The following ARHGAP15 variants were observed in gnomAD, a reference collection of about 807,000 sequenced individuals.
The protein encoded by ARHGAP15 is Rho GTPase activating protein 15.
A neutral mutation model predicts 63.7 loss-of-function variants in ARHGAP15; 51 were observed. The ratio of observed to expected loss-of-function variants is 0.80; its 90% CI spans 0.64 to 1.01. The LOEUF is 1.01. Ranked by LOEUF, ARHGAP15 falls within the 50% of genes least tolerant of loss-of-function variation. The probability of loss-of-function intolerance (pLI) is 0.00; values close to 1 mark genes in which losing one functional copy is unlikely to be tolerated. For synonymous variants in ARHGAP15, 191 were observed against 193.8 expected (o/e 0.99, Z 0.12); for missense variants, 560 against 564.6 (o/e 0.99, Z 0.08).
intron 6 of ARHGAP15, among the ~76,000 whole-genome samples, chr2:143,299,648 G>T (rs993666006): frequency 6.6e-6 from 1 of 151,690 alleles, no homozygotes; most frequent in African/African-American, 2.4e-5. Flanking sequence ...TCCTTTTCCT[G>T]TTTGGCTACA....
chr2:143,453,078 A>G lies in ARHGAP15; in HGVS notation c.703+16036A>G, dbSNP rs1455346043. Among the ~76,000 whole-genome samples, 3 of 124,756 alleles carry G rather than the reference A, an allele frequency of 2.4e-5. No individual in the cohort carries two copies. The East Asian group carries it at 6.6e-4, about 27-fold the overall frequency. The allele number at this position is 124,756 out of a possible 152,430, so 81.8% of individuals were successfully genotyped here. On this transcript the variant is annotated intron_variant, in intron 8 of 13. Transcript: ENST00000295095. ...TGTAGGCAGCATTCTAAGCACTTTA[A>G]TCTACTCTCATTGAATCCTGTCAAC...
At chr2:143,205,053 G>A (rs1692275632) in intron 3 of ARHGAP15, among the ~76,000 whole-genome samples, 2 of 151,704 alleles carry the variant, frequency 1.3e-5, no homozygotes. Flanking sequence ...CTTTAGGTTG[G>A]GAGTTCAAGA....
At chr2:143,754,859 G>A (rs538505832) in intron 13 of ARHGAP15, among the ~76,000 whole-genome samples, 4 of 152,266 alleles carry the variant, frequency 2.6e-5, no homozygotes, top group Non-Finnish European at 4.4e-5. Flanking sequence ...GAGGCCTTTG[G>A]CACTTAGGCT....
intron 6 of ARHGAP15, among the ~76,000 whole-genome samples, chr2:143,267,840 T>C (rs1473689322): frequency 2.0e-5 from 3 of 152,136 alleles, no homozygotes; most frequent in Non-Finnish European, 4.4e-5. Context: ...GGTATACAAA[T>C]ATTTAGCACA....
At chr2:143,353,104 T>TA (rs997186688) in intron 6 of ARHGAP15, among the ~76,000 whole-genome samples, 6 of 151,946 alleles carry the variant, frequency 3.9e-5, no homozygotes, top group East Asian at 1.9e-4. Context: ...TAATACATTT[T>TA]AAAAAAAATT....
intron 9 of ARHGAP15, among the ~76,000 whole-genome samples, chr2:143,512,963 C>T (rs963706699): frequency 6.6e-6 from 1 of 152,230 alleles, no homozygotes; most frequent in African/African-American, 2.4e-5. Flanking sequence ...TCTCAGTATC[C>T]AAATTCTAAA....
At chr2:143,694,782 A>C (rs898550360) in intron 12 of ARHGAP15, among the ~76,000 whole-genome samples, 1 of 152,264 alleles carries the variant, frequency 6.6e-6, no homozygotes, top group Non-Finnish European at 1.5e-5. Context: ...ACTAACCATT[A>C]TCTCCTCTTC....
At chr2:143,195,923 A>T (rs565519367) in intron 2 of ARHGAP15, among the ~76,000 whole-genome samples, 38 of 152,276 alleles carry the variant, frequency 2.5e-4, no homozygotes, top group Admixed American at 1.3e-4. Flanking sequence ...TTTTTACAGT[A>T]TGTAATATAT....
chr2:143,409,347 C>A (rs1688349677), intron 6 of ARHGAP15, among the ~76,000 whole-genome samples: 2 of 151,204 alleles, frequency 1.3e-5, no homozygotes, highest in African/African-American at 2.4e-5. Context: ...TTTTTTTAAC[C>A]AAATAGAATC....
chr2:143,363,448 T>C (rs1194887919), intron 6 of ARHGAP15, among the ~76,000 whole-genome samples: 1 of 152,070 alleles, frequency 6.6e-6, no homozygotes, highest in Non-Finnish European at 1.5e-5. Flanking sequence ...TGAGCCGAGA[T>C]TGAGCCACTG....
intron 6 of ARHGAP15, among the ~76,000 whole-genome samples, chr2:143,250,888 A>G (rs968524001): frequency 2.0e-5 from 3 of 152,034 alleles, no homozygotes; most frequent in Non-Finnish European, 4.4e-5. Context: ...GAGTTCAAAC[A>G]TGGGATGTTT....
chr2:143,241,421 C>T (rs1693855884), intron 5 of ARHGAP15, among the ~76,000 whole-genome samples: 1 of 152,160 alleles, frequency 6.6e-6, no homozygotes, highest in Non-Finnish European at 1.5e-5. Context: ...TCACACAGAG[C>T]AAACATAATA....
At chr2:143,165,690 A>C (rs1690471563) in intron 2 of ARHGAP15, among the ~76,000 whole-genome samples, 1 of 152,058 alleles carries the variant, frequency 6.6e-6, no homozygotes, top group Admixed American at 6.6e-5. Context: ...AGACAAACTG[A>C]GTGTAACTAC....
intron 2 of ARHGAP15, among the ~76,000 whole-genome samples, chr2:143,167,928 A>G (rs1157429069): frequency 6.6e-6 from 1 of 152,090 alleles, no homozygotes; most frequent in Non-Finnish European, 1.5e-5. Context: ...TTGACTTGGT[A>G]TTCTTAAAGC....
intron 11 of ARHGAP15, among the ~76,000 whole-genome samples, chr2:143,578,638 GC>G (rs1696770523): frequency 6.6e-6 from 1 of 152,130 alleles, no homozygotes; most frequent in African/African-American, 2.4e-5. Flanking sequence ...AGAAGAAGAT[GC>G]TTTTATTCAA....
chr2:143,678,407 A>C (rs1003884700), intron 12 of ARHGAP15, among the ~76,000 whole-genome samples: 1 of 152,222 alleles, frequency 6.6e-6, no homozygotes, highest in Non-Finnish European at 1.5e-5. Flanking sequence ...AGAAAAAACA[A>C]ACATTCCTTA....
chr2:143,528,697 G>T (rs1367336315), intron 10 of ARHGAP15, among the ~76,000 whole-genome samples: 1 of 151,980 alleles, frequency 6.6e-6, no homozygotes, highest in Admixed American at 6.6e-5. Context: ...TGTTGTTCTT[G>T]TTATATTTTG....
intron 9 of ARHGAP15, among the ~76,000 whole-genome samples, chr2:143,514,878 C>T (rs945004688): frequency 2.0e-5 from 3 of 152,132 alleles, no homozygotes; most frequent in Admixed American, 6.5e-5. Flanking sequence ...ATCTGCAATG[C>T]GTCTTAAGGC....
chr2:143,403,073 G>A (rs1045157475), intron 6 of ARHGAP15, among the ~76,000 whole-genome samples: 1 of 151,754 alleles, frequency 6.6e-6, no homozygotes, highest in East Asian at 1.9e-4. Flanking sequence ...TAGCTATGTG[G>A]AAACAAAGGA....
Sources: allele counts gnomAD v4.1 joint callset (sites outside exome capture counted in the v4.1 genomes callset), GRCh38; gene constraint gnomAD v4.1.1; transcripts MANE v1.5; gene names NCBI Gene and HGNC (gene_info 2026-07-23, HGNC 2026-07-21).